Variants in TMEM268 observed in about 807,000 individuals in gnomAD.
TMEM268 encodes the protein transmembrane protein 268, also known as transmembrane protein C9orf91.
TMEM268 carries 24 observed loss-of-function variants against 39.1 expected under a neutral mutation model. The observed-to-expected ratio is 0.61, with a 90% CI of 0.44 to 0.86. TMEM268 has a LOEUF of 0.86. Ranked by LOEUF, TMEM268 falls within the 40% of genes least tolerant of loss-of-function variation. The pLI, the probability that TMEM268 is intolerant of heterozygous loss-of-function variation, is 0.00. For synonymous variants in TMEM268, 176 were observed against 173.5 expected (o/e 1.01, Z -0.12); for missense variants, 409 against 428.6 (o/e 0.95, Z 0.40).
chr9:114,624,113 A>G, intron 2 of TMEM268: 3 of 652,496 alleles, frequency 4.6e-6, no homozygotes, highest in Non-Finnish European at 4.4e-6. Flanking sequence ...TCTTCCTTAT[A>G]TGGTCTCACA....
At chr9:114,636,812 CT>C (rs746242521) in intron 6 of TMEM268, among the ~76,000 whole-genome samples, 177 bp from the exon 7 acceptor site, 5 of 152,082 alleles carry the variant, frequency 3.3e-5, no homozygotes, top group Non-Finnish European at 7.4e-5. Flanking sequence ...AGGGTTTGAC[CT>C]TTTCTAAACG....
chr9:114,621,540 C>T (rs528879338), intron 2 of TMEM268, among the ~76,000 whole-genome samples: 1 of 152,228 alleles, frequency 6.6e-6, no homozygotes, highest in East Asian at 1.9e-4. Flanking sequence ...CAAATAATTG[C>T]ATACATAGGT....
upstream of TMEM268, among the ~76,000 whole-genome samples, chr9:114,606,860 GAA>G (rs57403545): frequency 1.6e-4 from 23 of 144,176 alleles, no homozygotes; most frequent in South Asian, 1.1e-3. Context: ...AGCTCCAAAA[GAA>G]AAAAAAAAAA....
chr9:114,607,760 C>G (rs901612287), upstream of TMEM268, among the ~76,000 whole-genome samples: 7 of 152,042 alleles, frequency 4.6e-5, no homozygotes, highest in African/African-American at 1.7e-4. Context: ...GCAGGGCTCC[C>G]AGAAGAAGGG....
intron 6 of TMEM268, among the ~76,000 whole-genome samples, chr9:114,634,648 C>T (rs1012054407): frequency 6.6e-6 from 1 of 152,164 alleles, no homozygotes; most frequent in Non-Finnish European, 1.5e-5. Context: ...CAGTCATGGC[C>T]CCTTGCCTGG....
chr9:114,636,412 G>A (rs150641173), intron 6 of TMEM268, among the ~76,000 whole-genome samples: 213 of 152,318 alleles, frequency 1.4e-3, no homozygotes, highest in African/African-American at 4.8e-3. Flanking sequence ...TGTCCAGGAG[G>A]GTTCGGAGTC....
rs369111313 is a variant in TMEM268, at chr9:114,631,658, T to A, written c.475-2110T>A. 7.3e-4 allele frequency among the ~76,000 whole-genome samples: 111 copies of A among 152,284 alleles called. 1 individual carries two copies. Among genetic ancestry groups the A allele is most frequent in the African/African-American group, 2.6e-3 (109 of 41,552 alleles). ...GGAATTGAACTATTGGTGATACAGA[T>A]TTCTAGAAGGAAGAAATCCACATCA... On this transcript the variant is annotated intron_variant, in intron 5 of 8. Transcript: ENST00000288502.
At chr9:114,604,415 T>G in the TMEM268 span, among the ~76,000 whole-genome samples, 1 of 151,872 alleles carries the variant, frequency 6.6e-6, no homozygotes, top group Non-Finnish European at 1.5e-5. Context: ...CTGTCTCTAC[T>G]GAAAATACAA....
At chr9:114,625,713 G>A (rs933506730) in intron 3 of TMEM268, among the ~76,000 whole-genome samples, 2 of 151,840 alleles carry the variant, frequency 1.3e-5, no homozygotes, top group African/African-American at 4.8e-5. Flanking sequence ...AAAGTGCTGG[G>A]ATTATAGGTA....
At chr9:114,630,627 G>C (rs1846355408) in intron 5 of TMEM268, among the ~76,000 whole-genome samples, 1 of 152,190 alleles carries the variant, frequency 6.6e-6, no homozygotes, top group Non-Finnish European at 1.5e-5. Flanking sequence ...TAAAACATGA[G>C]ATAATAATTG....
chr9:114,607,815 A>T (rs1399117047), upstream of TMEM268, among the ~76,000 whole-genome samples: 3 of 152,160 alleles, frequency 2.0e-5, no homozygotes, highest in African/African-American at 7.2e-5. Flanking sequence ...GTCAGGTAGA[A>T]CGATGGGGCT....
At chr9:114,610,042 AT>A (rs112492997), upstream of TMEM268, among the ~76,000 whole-genome samples, 1,043 of 145,728 alleles carry the variant, frequency 7.2e-3, 18 homozygotes, top group African/African-American at 0.023. Context: ...GGTTTTTGCA[AT>A]TTTTTTTTTT....
intron 1 of TMEM268, among the ~76,000 whole-genome samples, chr9:114,616,117 G>A (rs528053345): frequency 4.1e-5 from 6 of 147,550 alleles, no homozygotes; most frequent in African/African-American, 1.0e-4. Context: ...CCGGGTTCAC[G>A]CCATTCTCCT....
chr9:114,638,861 G>T, intron 8 of TMEM268, 135 bp downstream of exon 8: 1 of 562,550 alleles, frequency 1.8e-6, no homozygotes, highest in East Asian at 3.5e-5. Flanking sequence ...TCTAGCTCAG[G>T]AGTTTTCAAT....
rs1167448400 is a variant in TMEM268 at position 114,628,182 on chromosome 9, C to T, written c.406C>T (p.Leu136Phe). The change falls in exon 5 of 9, where the codon CTC becomes TTC. Residue 136 changes from leucine (L) to phenylalanine (F), a missense_variant. By Grantham distance (22) the Leu-to-Phe change is conservative. Coordinates refer to ENST00000288502, the MANE Select transcript of TMEM268 (RefSeq NM_153045.4). ...ALGNHWAGML[L>F]VTLAAVSLTL... Reference sequence around the variant, plus strand: ...GGGGAACCACTGGGCTGGCATGCTGCTCGTGACCCTGGCCGCGGTGAGCCT... The same window carrying T: ...GGGGAACCACTGGGCTGGCATGCTGTTCGTGACCCTGGCCGCGGTGAGCCT... 1 of 1,614,206 alleles carries T rather than the reference C, an allele frequency of 6.2e-7. No homozygotes were observed. Among genetic ancestry groups the T allele is most frequent in the South Asian group, 1.1e-5 (1 of 91,086 alleles).
At chr9:114,638,364 C>T (rs1846734617) in intron 7 of TMEM268, among the ~76,000 whole-genome samples, 180 bp from the exon 8 acceptor site, 1 of 152,188 alleles carries the variant, frequency 6.6e-6, no homozygotes, top group Non-Finnish European at 1.5e-5. Context: ...ATATTTAGAG[C>T]TATTAATGAC....
At chr9:114,610,269 C>T (rs1340089066), upstream of TMEM268, among the ~76,000 whole-genome samples, 6 of 152,178 alleles carry the variant, frequency 3.9e-5, no homozygotes, top group Non-Finnish European at 7.3e-5. Context: ...GAACTCCCGA[C>T]CTCAGGTAAT....
chr9:114,644,081 T>G lies in TMEM268; in HGVS notation c.*768T>G, dbSNP rs1173080764. 6.6e-6 allele frequency: 1 copy of G among 152,326 alleles called. No individual in the cohort carries two copies. The highest frequency in any genetic ancestry group is 1.5e-5 in the Non-Finnish European group (1 of 68,046). 9.4% of individuals were successfully genotyped at this position (152,326 alleles called of 1,614,324 possible). A position where few individuals can be genotyped will look rare whatever the true frequency, so the allele number is the denominator to read the frequency against. On this transcript the variant is annotated 3_prime_UTR_variant, in exon 9 of 9. Transcript: ENST00000288502. The stretch of plus-strand genomic sequence containing the variant: ...TTATATTACAGATGTAGAACAATGG[T>G]TATGTTTCCCGACATGAACATTGTC...
chr9:114,622,718 G>A (rs7032258), intron 2 of TMEM268, among the ~76,000 whole-genome samples: 116,320 of 152,094 alleles, frequency 0.76, 44,604 homozygotes, highest in East Asian at 0.86. Flanking sequence ...GCAGCCATAC[G>A]TAGGAGGGAT....
Sources: allele counts gnomAD v4.1 joint callset (sites outside exome capture counted in the v4.1 genomes callset), GRCh38; gene constraint gnomAD v4.1.1; transcripts MANE v1.5; gene names NCBI Gene and HGNC (gene_info 2026-07-23, HGNC 2026-07-21).